EIPR1: variants seen among roughly 807,000 people sequenced by gnomAD.
The protein encoded by EIPR1 is EARP complex and GARP complex interacting protein 1.
Under a neutral mutation model 48.1 loss-of-function variants are expected in EIPR1, and 25 were observed. That is an observed-to-expected ratio of 0.52 (90% confidence interval 0.38 to 0.73). EIPR1 has a LOEUF of 0.73. Ranked by LOEUF, EIPR1 falls within the 30% of genes least tolerant of loss-of-function variation. The pLI is 0.00. For synonymous variants in EIPR1, 204 were observed against 201.9 expected, an observed-to-expected ratio of 1.01 and a Z score of -0.09; for missense variants, 415 against 506.2, an observed-to-expected ratio of 0.82 and a Z score of 1.73.
intron 3 of EIPR1, among the ~76,000 whole-genome samples, chr2:3,336,823 AAAGGG>A (rs1017842085): frequency 8.0e-5 from 12 of 149,972 alleles, no homozygotes; most frequent in African/African-American, 2.7e-4. Context: ...AAAGAAAAGA[AAAGGG>A]AAGGGAAGGG....
chr2:3,269,262 AGTCATGGCAC>A (rs1667595424), intron 3 of EIPR1, among the ~76,000 whole-genome samples: 1 of 94,252 alleles, frequency 1.1e-5, no homozygotes, highest in African/African-American at 3.2e-5. Flanking sequence ...CATCGCACTC[AGTCATGGCAC>A]TCAGTCATGG....
intron 4 of EIPR1, among the ~76,000 whole-genome samples, chr2:3,235,890 A>T (rs936091080): frequency 6.6e-6 from 1 of 152,154 alleles, no homozygotes; most frequent in Non-Finnish European, 1.5e-5. Flanking sequence ...ATTGCATCCT[A>T]AGCTCTGCAT....
In EIPR1 at chr2:3,297,989, A is replaced by G. The variant is rs554942953; in HGVS notation, c.259+40028T>C. 7.2e-4 allele frequency among the ~76,000 whole-genome samples: 109 copies of G among 152,302 alleles called. No homozygotes were observed. In the Middle Eastern group the frequency reaches 0.01, roughly 14 times the overall value. On this transcript the variant is annotated intron_variant, in intron 3 of 8. Coordinates refer to ENST00000382125, the MANE Select transcript of EIPR1 (RefSeq NM_003310.5). ...TTCATTTGCTCATTCACTACATTCA[A>G]CAAATACTTTCTCAGTGCCTACTAT... is the stretch of plus-strand genomic sequence containing the variant.
intron 6 of EIPR1, 81 bp from the exon 7 acceptor site, chr2:3,194,247 T>G: frequency 6.5e-7 from 1 of 1,544,254 alleles, no homozygotes. Flanking sequence ...ACACACTGGT[T>G]TCCCGGGACC....
chr2:3,213,989 A>C (rs374410052), intron 5 of EIPR1, among the ~76,000 whole-genome samples, 160 bp downstream of exon 5: 31 of 152,158 alleles, frequency 2.0e-4, no homozygotes, highest in African/African-American at 7.2e-4. Flanking sequence ...TCCTAATGCT[A>C]TCCCTCCCGC....
At chr2:3,362,328 C>G (rs1049051809) in intron 1 of EIPR1, among the ~76,000 whole-genome samples, 1 of 152,192 alleles carries the variant, frequency 6.6e-6, no homozygotes, top group Non-Finnish European at 1.5e-5. Flanking sequence ...GGGTGAGCCC[C>G]TCCCTCCCAG....
chr2:3,208,781 A>G, intron 5 of EIPR1: 2 of 1,547,526 alleles, frequency 1.3e-6, no homozygotes, highest in Non-Finnish European at 8.7e-7. Flanking sequence ...TTCTTCCTTG[A>G]GTGAGGCTCG....
chr2:3,334,629 G>A (rs1464238202), intron 3 of EIPR1, among the ~76,000 whole-genome samples: 3 of 152,250 alleles, frequency 2.0e-5, no homozygotes, highest in Non-Finnish European at 4.4e-5. Flanking sequence ...GGTTAAGCAC[G>A]AGTCAAGCAG....
chr2:3,200,140 G>C (rs1291924321), intron 5 of EIPR1, among the ~76,000 whole-genome samples: 1 of 152,084 alleles, frequency 6.6e-6, no homozygotes, highest in South Asian at 2.1e-4. Context: ...GAATCGCTTG[G>C]ACAGGGGCAC....
At chr2:3,241,416 C>T (rs1054379336) in intron 4 of EIPR1, among the ~76,000 whole-genome samples, 1 of 152,138 alleles carries the variant, frequency 6.6e-6, no homozygotes, top group African/African-American at 2.4e-5. Context: ...TTACTGTTTG[C>T]CGTATACCTT....
In EIPR1 at chr2:3,286,430, A is replaced by AC. The variant is rs1406421586; in HGVS notation, c.260-28976dup. Among the ~76,000 whole-genome samples the AC allele has an allele frequency of 6.6e-6, 1 of 151,582 alleles. No individual in the cohort carries two copies. The highest frequency in any genetic ancestry group is 2.4e-5 in the African/African-American group (1 of 41,202). ...GGGCCCAGAAGGAGCAGTGCCAAGG[A>AC]CCCCCGGGGGTGGGGCCATCCTACC... On this transcript the variant is annotated intron_variant, in intron 3 of 8. Transcript: ENST00000382125. This position sits in a 1 kb window ranked among gnomAD's most constrained non-coding sequence, Gnocchi z 4.2.
intron 4 of EIPR1, among the ~76,000 whole-genome samples, chr2:3,244,161 T>TC (rs1462140589): frequency 3.9e-5 from 6 of 152,188 alleles, no homozygotes; most frequent in Non-Finnish European, 7.3e-5. Context: ...AACAGTCTTC[T>TC]CCCTGGGTCT....
At chr2:3,234,143 T>TAA (rs1666325934) in intron 4 of EIPR1, among the ~76,000 whole-genome samples, 2 of 152,062 alleles carry the variant, frequency 1.3e-5, no homozygotes. Flanking sequence ...CTGCTAGAAT[T>TAA]AAAAATGAAA....
At chr2:3,306,772 G>A (rs965470711) in intron 3 of EIPR1, among the ~76,000 whole-genome samples, 52 of 152,118 alleles carry the variant, frequency 3.4e-4, no homozygotes, top group African/African-American at 1.2e-3. Context: ...GGAGGTGTTG[G>A]TCTTGCTGCC....
At chr2:3,225,222 A>ATG (rs61557621) in intron 4 of EIPR1, among the ~76,000 whole-genome samples, 15,964 of 136,732 alleles carry the variant, frequency 0.12, 1,197 homozygotes, top group African/African-American at 0.21. Context: ...ACACTGTGAT[A>ATG]TGTGTGTGTG....
At chr2:3,289,425 G>A (rs2103271482) in intron 3 of EIPR1, among the ~76,000 whole-genome samples, 1 of 152,282 alleles carries the variant, frequency 6.6e-6, no homozygotes, top group African/African-American at 2.4e-5. Flanking sequence ...CGTCCTCTGT[G>A]GGAGAAGGGC....
rs3811619 is a variant in EIPR1 at position 3,338,393 on chromosome 2, C to T, written c.127-244G>A. ...TTGCAAGCTACGTAAGACTGCCATCCGGTCATATCCAGTCTTAAAGAAATA... is the reference window on the plus strand; with the variant it reads ...TTGCAAGCTACGTAAGACTGCCATCTGGTCATATCCAGTCTTAAAGAAATA... On this transcript the variant is annotated intron_variant, in intron 2 of 8. Coordinates refer to ENST00000382125, the MANE Select transcript of EIPR1 (RefSeq NM_003310.5). Among the ~76,000 whole-genome samples, 295 of 152,300 alleles carry T rather than the reference C, an allele frequency of 1.9e-3. 9 individuals are homozygous for T. The East Asian group carries it at 0.048, about 25-fold the overall frequency.
At chr2:3,250,702 G>T (rs1415951764) in intron 4 of EIPR1, among the ~76,000 whole-genome samples, 1 of 152,194 alleles carries the variant, frequency 6.6e-6, no homozygotes, top group Non-Finnish European at 1.5e-5. Context: ...CACAGGGGCG[G>T]ATCCCTCATG....
At chr2:3,279,073 A>G (rs1230342468) in intron 3 of EIPR1, among the ~76,000 whole-genome samples, 1 of 152,226 alleles carries the variant, frequency 6.6e-6, no homozygotes, top group Non-Finnish European at 1.5e-5. Flanking sequence ...TCACTAAAAC[A>G]GGAAAATGTG....
Sources: gnomAD v4.1 joint callset for allele counts (sites outside exome capture counted in the v4.1 genomes callset) on GRCh38, gnomAD v4.1.1 for gene constraint, Gnocchi (gnomAD v3.1) non-coding constraint, MANE v1.5 for transcripts, NCBI Gene and HGNC (gene_info 2026-07-23, HGNC 2026-07-21) for gene names.